Variants in CACNA1A observed in about 807,000 individuals in gnomAD.
The protein encoded by CACNA1A is voltage-dependent P/Q-type calcium channel subunit alpha-1A.
CACNA1A carries 57 observed loss-of-function variants against 262.4 expected under a neutral mutation model. The observed-to-expected ratio is 0.22, with a 90% CI of 0.18 to 0.27. The LOEUF is 0.27. Among genes scored for constraint, CACNA1A ranks in the 10% least tolerant of loss-of-function variants. The pLI, the probability that CACNA1A is intolerant of heterozygous loss-of-function variation, is 1.00. For missense variants in CACNA1A, 2,526 were observed against 3,562.8 expected, an observed-to-expected ratio of 0.71 and a Z score of 7.41; for synonymous variants, 1,431 against 1,419.3, an observed-to-expected ratio of 1.01 and a Z score of -0.18.
intron 11 of CACNA1A, chr19:13,315,312 C>T (rs923592241): frequency 4.6e-5 from 7 of 151,424 alleles, no homozygotes; most frequent in African/African-American, 1.5e-4. Flanking sequence ...AGCGATTCTC[C>T]TGCCTCAGCC....
chr19:13,452,851 A>G (rs779467243), intron 3 of CACNA1A, 25 bp downstream of exon 3: 1 of 1,600,508 alleles, frequency 6.2e-7, no homozygotes, highest in Non-Finnish European at 8.5e-7. Context: ...AGTTAAATCC[A>G]AAGCGTATAG....
At chr19:13,454,383 C>G (rs531837126) in intron 2 of CACNA1A, among the ~76,000 whole-genome samples, 13 of 151,806 alleles carry the variant, frequency 8.6e-5, no homozygotes, top group East Asian at 2.0e-4. Flanking sequence ...CGCCTCCCCC[C>G]CACCAAGATG....
Position 13,245,196 on chromosome 19 carries a change from C to T in CACNA1A, c.4936G>A (p.Val1646Met). Residue 1646 changes from valine (V) to methionine (M), a missense_variant, in exon 31 of 47, where the codon GTG (valine) becomes ATG (methionine). Transcript: ENST00000360228. Reference sequence around the variant, plus strand: ...GGGAGACTTACCCCAAACTCAGTCACGAGGATATCGGTGATGCTGCCCAGA... The same window carrying T: ...GGGAGACTTACCCCAAACTCAGTCATGAGGATATCGGTGATGCTGCCCAGA... ...TVLGSITDILVTEFGNNFINL... is the reference protein window; with the variant it reads ...TVLGSITDILMTEFGNNFINL... 2 of 1,613,748 alleles carry T rather than the reference C, an allele frequency of 1.2e-6. No homozygotes were observed. Among genetic ancestry groups the T allele is most frequent in the Non-Finnish European group, 1.7e-6 (2 of 1,179,662 alleles).
rs1057522815 is a variant in CACNA1A at position 13,283,286 on chromosome 19, G to A, written c.3803C>T (p.Pro1268Leu). ...ACTCACGTTGTTCCGAGGTGCGTTG[G>A]GCTGCACAGGGTCCTCGGCGGCCAG... ...IALAAEDPVQ[P>L]NAPRNNVLRY... The change falls in exon 22 of 47, where the codon CCC becomes CTC. Residue 1268 changes from proline to leucine, a missense_variant. Physicochemically the swap from Pro to Leu is moderately conservative, Grantham distance 98. Around this residue, in one of 17 missense-constraint regions of CACNA1A, gnomAD observed 137 missense variants for 377.7 expected, o/e 0.36. Coordinates refer to ENST00000360228, the MANE Select transcript of CACNA1A (RefSeq NM_001127222.2). The A allele has an allele frequency of 2.5e-6, 4 of 1,613,850 alleles. No homozygotes were observed. Among genetic ancestry groups the A allele is most frequent in the African/African-American group, 1.3e-5 (1 of 74,912 alleles).
chr19:13,463,869 G>A (rs1481709466), intron 1 of CACNA1A, among the ~76,000 whole-genome samples: 3 of 152,168 alleles, frequency 2.0e-5, no homozygotes, highest in African/African-American at 7.2e-5. Flanking sequence ...GGAGTTGAAA[G>A]GATTTGGGGA....
rs541383116 is a variant in CACNA1A, at chr19:13,345,452, G to A, written c.979-9543C>T. On this transcript the variant is annotated intron_variant, in intron 6 of 46. Transcript: ENST00000360228. Reference sequence around the variant, plus strand: ...TGAGGGATGTTACTGATTCATCCCAGTATCGCTGGTGGTGCCTGGTGCTTA... The same window carrying A: ...TGAGGGATGTTACTGATTCATCCCAATATCGCTGGTGGTGCCTGGTGCTTA... Among the ~76,000 whole-genome samples the A allele has an allele frequency of 2.0e-5, 3 of 152,312 alleles. No homozygotes were observed. The East Asian group carries it at 5.8e-4, about 29-fold the overall frequency.
intron 9 of CACNA1A, among the ~76,000 whole-genome samples, chr19:13,331,429 G>C (rs2058466807): frequency 6.6e-6 from 1 of 151,952 alleles, no homozygotes; most frequent in African/African-American, 2.4e-5. Context: ...TAGAGATGGG[G>C]TTTCGCCATG....
rs755340678 is a variant in CACNA1A, at chr19:13,207,311, G to A, written c.*2C>T. 14 of 1,555,042 alleles carry A rather than the reference G, an allele frequency of 9.0e-6. No individual in the cohort carries two copies. Among genetic ancestry groups the A allele is most frequent in the Non-Finnish European group, 1.0e-5 (12 of 1,158,010 alleles). ...GCCGGGCGGGCGCCACCTCGCCCGG[G>A]CTTAGCACCAATCATCGTCACTCTC... On this transcript the variant is annotated 3_prime_UTR_variant, in exon 47 of 47. Transcript: ENST00000360228. The surrounding 1 kb of genome is among the most constrained non-coding windows in gnomAD (Gnocchi z 5.7).
At chr19:13,390,063 T>A (rs2059685734) in intron 3 of CACNA1A, among the ~76,000 whole-genome samples, 1 of 152,030 alleles carries the variant, frequency 6.6e-6, no homozygotes, top group Non-Finnish European at 1.5e-5. Context: ...TCTGCCCATC[T>A]CGGCTTCCCA....
intron 30 of CACNA1A, among the ~76,000 whole-genome samples, chr19:13,248,101 C>T (rs1047206681): frequency 6.6e-6 from 1 of 152,124 alleles, no homozygotes; most frequent in African/African-American, 2.4e-5. Flanking sequence ...TTCCTCTCTC[C>T]CTTACTGCCC....
intron 38 of CACNA1A, among the ~76,000 whole-genome samples, chr19:13,219,293 C>A (rs1439860269): frequency 7.0e-6 from 1 of 142,290 alleles, no homozygotes; most frequent in Non-Finnish European, 1.5e-5. Flanking sequence ...CTGCCTACCT[C>A]GCCCTCCCAA....
At position 13,423,716 on chromosome 19, in the gene CACNA1A, C is replaced by T. The variant is rs555321589; in HGVS notation, c.539+29160G>A. ...TTTTTGTAGAGATGAGGTTTTGCCA[C>T]GTTGCCCAGTCTGGTCTCAAACTCT... On this transcript the variant is annotated intron_variant, in intron 3 of 46. Transcript: ENST00000360228. 5.9e-5 allele frequency among the ~76,000 whole-genome samples: 9 copies of T among 151,898 alleles called. No homozygotes were observed. The South Asian group carries it at 6.2e-4, about 11-fold the overall frequency.
At chr19:13,372,360 C>T (rs898764806) in intron 3 of CACNA1A, among the ~76,000 whole-genome samples, 5 of 152,056 alleles carry the variant, frequency 3.3e-5, no homozygotes, top group African/African-American at 1.2e-4. Flanking sequence ...TTTGTAGAGA[C>T]AGGGTTTCAC....
Position 13,317,146 on chromosome 19 carries a change from G to A in CACNA1A, c.1521C>T (p.His507=). The change falls in exon 11 of 47, where the codon CAC becomes CAT. Residue 507 remains histidine (H), a synonymous_variant. Transcript: ENST00000360228. The part of the protein sequence containing the change: ...ALNTLCVAIV[H]YNQPEWLSDF... ...CGGAGAGCCACTCGGGCTGGTTGTA[G>A]TGAACAATAGCAACACACAGCGTGT... is the stretch of plus-strand genomic sequence containing the variant. 6.2e-7 allele frequency: 1 copy of A among 1,610,912 alleles called. No individual in the cohort carries two copies. The highest frequency in any genetic ancestry group is 1.1e-5 in the South Asian group (1 of 90,948).
At chr19:13,221,175 C>T (rs1198964407) in intron 38 of CACNA1A, among the ~76,000 whole-genome samples, 1 of 146,458 alleles carries the variant, frequency 6.8e-6, no homozygotes, top group Non-Finnish European at 1.5e-5. Flanking sequence ...TCCACCTGCT[C>T]CTCTCCCACC....
At chr19:13,257,641 A>C (rs2056606737) in intron 27 of CACNA1A, 90 bp from the exon 28 acceptor site, 2 of 703,222 alleles carry the variant, frequency 2.8e-6, no homozygotes, top group Admixed American at 5.9e-5. Flanking sequence ...AGAGGGTGGA[A>C]GTGAGATGGC....
intron 3 of CACNA1A, among the ~76,000 whole-genome samples, chr19:13,435,207 G>A (rs1260953650): frequency 1.3e-5 from 2 of 151,656 alleles, no homozygotes; most frequent in Admixed American, 6.6e-5. Flanking sequence ...TCTGCCTCCT[G>A]GGTTCAAGCA....
intron 10 of CACNA1A, among the ~76,000 whole-genome samples, chr19:13,329,950 G>A (rs540562378): frequency 6.6e-6 from 1 of 152,198 alleles, no homozygotes; most frequent in South Asian, 2.1e-4. Context: ...AATACTTCCC[G>A]AATGAGTCAC....
At chr19:13,476,375 G>C (rs1978540818) in intron 1 of CACNA1A, among the ~76,000 whole-genome samples, 2 of 152,146 alleles carry the variant, frequency 1.3e-5, no homozygotes. Context: ...AGGGATTCTG[G>C]AAGGACTCAC....
Sources: allele counts gnomAD v4.1 joint callset (sites outside exome capture counted in the v4.1 genomes callset), GRCh38; gene constraint gnomAD v4.1.1; regional missense constraint gnomAD v4.1.1; non-coding constraint Gnocchi (gnomAD v3.1); transcripts MANE v1.5; gene names NCBI Gene and HGNC (gene_info 2026-07-23, HGNC 2026-07-21).